The following PLPPR1 variants were observed in gnomAD, a reference collection of about 807,000 sequenced individuals.
PLPPR1 encodes the protein phospholipid phosphatase related 1.
In PLPPR1, 10 loss-of-function variants were observed where a neutral mutation model predicts 33.1. That is an observed-to-expected ratio of 0.30 (90% CI 0.19 to 0.51). The LOEUF (loss-of-function observed/expected upper bound fraction) is 0.51, where lower values mean the gene tolerates loss of function less well. Among genes scored for constraint, PLPPR1 ranks in the 20% least tolerant of loss-of-function variants. The probability of loss-of-function intolerance (pLI) is 0.97; values close to 1 mark genes in which losing one functional copy is unlikely to be tolerated. For synonymous variants in PLPPR1, 151 were observed against 151.0 expected (o/e 1.00, Z 0.00); for missense variants, 304 against 408.1 (o/e 0.74, Z 2.20).
intron 2 of PLPPR1, among the ~76,000 whole-genome samples, chr9:101,221,103 T>C (rs1826924584): frequency 6.6e-6 from 1 of 152,140 alleles, no homozygotes; most frequent in South Asian, 2.1e-4. Flanking sequence ...TTCTTTTTCT[T>C]TTTTCATAAG....
intron 1 of PLPPR1, among the ~76,000 whole-genome samples, chr9:101,034,282 A>G (rs1007100140): frequency 1.3e-5 from 2 of 152,130 alleles, no homozygotes; most frequent in African/African-American, 4.8e-5. Flanking sequence ...GCAAAGATAT[A>G]TTTGAGGACA....
At chr9:101,175,680 T>A (rs182198745) in intron 1 of PLPPR1, among the ~76,000 whole-genome samples, 35 of 152,302 alleles carry the variant, frequency 2.3e-4, no homozygotes, top group Non-Finnish European at 8.8e-5. Flanking sequence ...CTGGCATAAT[T>A]TAAGAATAAG....
At position 101,209,327 on chromosome 9, in the gene PLPPR1, C is replaced by T. The variant is rs559699335; in HGVS notation, c.63+23770C>T. Among the ~76,000 whole-genome samples, 6 of 152,302 alleles carry T rather than the reference C, an allele frequency of 3.9e-5. No individual in the cohort carries two copies. The South Asian group carries it at 1.2e-3, about 32-fold the overall frequency. Reference sequence around the variant, plus strand: ...AGGTCTGTGGATTCAAAGAGGTGGACTTTTTCCTCTGTGAATTTTTCCCGT... The same window carrying T: ...AGGTCTGTGGATTCAAAGAGGTGGATTTTTTCCTCTGTGAATTTTTCCCGT... On this transcript the variant is annotated intron_variant, in intron 2 of 7. Transcript: ENST00000374874.
chr9:101,306,714 G>T (rs1295509810), intron 4 of PLPPR1, among the ~76,000 whole-genome samples: 1 of 152,122 alleles, frequency 6.6e-6, no homozygotes, highest in Non-Finnish European at 1.5e-5. Context: ...TTACAGAAAT[G>T]AAAAATATCT....
intron 1 of PLPPR1, among the ~76,000 whole-genome samples, chr9:101,154,565 G>C (rs1407307685): frequency 6.6e-6 from 1 of 151,960 alleles, no homozygotes; most frequent in African/African-American, 2.4e-5. Flanking sequence ...ATCCCCTCAA[G>C]TATCTAGAAC....
At position 101,269,421 on chromosome 9, in the gene PLPPR1, G is replaced by A. The variant is rs34761815; in HGVS notation, c.64-459G>A. 8.6e-3 allele frequency among the ~76,000 whole-genome samples: 1,311 copies of A among 152,104 alleles called. 14 individuals are homozygous for A. Among genetic ancestry groups the A allele is most frequent in the Non-Finnish European group, 0.012 (798 of 68,018 alleles). The stretch of plus-strand genomic sequence containing the variant: ...CATTTGTCCATTCCTTCGTTTACTC[G>A]TGGTTTACCTACCTTTCATATTTCA... On this transcript the variant is annotated intron_variant, in intron 2 of 7. Transcript: ENST00000374874.
chr9:101,138,877 C>G (rs1295439034), intron 1 of PLPPR1, among the ~76,000 whole-genome samples: 1 of 152,038 alleles, frequency 6.6e-6, no homozygotes, highest in Non-Finnish European at 1.5e-5. Flanking sequence ...TGTTTTTTCC[C>G]CAGGGTTTGG....
chr9:101,273,952 G>C (rs1828142929), intron 3 of PLPPR1, among the ~76,000 whole-genome samples: 1 of 152,190 alleles, frequency 6.6e-6, no homozygotes, highest in Non-Finnish European at 1.5e-5. Context: ...AAAAGTGATA[G>C]GTCTTCTTTA....
chr9:101,143,725 A>G (rs868829512), intron 1 of PLPPR1, among the ~76,000 whole-genome samples: 7 of 152,292 alleles, frequency 4.6e-5, no homozygotes, highest in Middle Eastern at 6.8e-3. Flanking sequence ...CAAAACCACA[A>G]TGAGATACCA....
intron 1 of PLPPR1, among the ~76,000 whole-genome samples, chr9:101,137,144 G>T (rs996512492): frequency 1.3e-5 from 2 of 152,138 alleles, no homozygotes; most frequent in Admixed American, 1.3e-4. Context: ...AATTAAAAAT[G>T]AAAAAGATGT....
chr9:101,179,852 G>A (rs1311280486), intron 1 of PLPPR1, among the ~76,000 whole-genome samples: 2 of 151,790 alleles, frequency 1.3e-5, no homozygotes, highest in Non-Finnish European at 2.9e-5. Flanking sequence ...CCTTAATCTG[G>A]ATGGGCACCA....
At chr9:101,269,753 C>T (rs1489635931) in intron 2 of PLPPR1, 127 bp from the exon 3 acceptor site, 26 of 850,928 alleles carry the variant, frequency 3.1e-5, no homozygotes, top group East Asian at 4.9e-5. Flanking sequence ...GCGCCTGGCA[C>T]GCACACACTC....
At chr9:101,038,791 T>G (rs1007442653) in intron 1 of PLPPR1, among the ~76,000 whole-genome samples, 1 of 152,120 alleles carries the variant, frequency 6.6e-6, no homozygotes, top group African/African-American at 2.4e-5. Context: ...CTGCAGAGAT[T>G]GCGTGCCCAT....
At chr9:101,243,695 AT>A (rs1451313645) in intron 2 of PLPPR1, among the ~76,000 whole-genome samples, 1 of 151,930 alleles carries the variant, frequency 6.6e-6, no homozygotes, top group African/African-American at 2.4e-5. Context: ...TTAAGTGTGG[AT>A]TAAGAAATAA....
At chr9:101,060,440 G>T (rs1485446499) in intron 1 of PLPPR1, among the ~76,000 whole-genome samples, 2 of 151,862 alleles carry the variant, frequency 1.3e-5, no homozygotes, top group Admixed American at 1.3e-4. Flanking sequence ...TTTGAAAATT[G>T]ATTAGAAAGT....
At chr9:101,158,275 G>A (rs911104492) in intron 1 of PLPPR1, among the ~76,000 whole-genome samples, 1 of 152,248 alleles carries the variant, frequency 6.6e-6, no homozygotes, top group South Asian at 2.1e-4. Context: ...GGAGGGTAGA[G>A]TTAGGAAGAT....
chr9:101,212,323 T>C (rs1826705678), intron 2 of PLPPR1, among the ~76,000 whole-genome samples: 1 of 152,168 alleles, frequency 6.6e-6, no homozygotes, highest in Non-Finnish European at 1.5e-5. Context: ...CCTCCAGTGA[T>C]CTGCCTGCCT....
intron 1 of PLPPR1, among the ~76,000 whole-genome samples, chr9:101,042,267 C>G (rs184557131): frequency 6.4e-4 from 98 of 152,264 alleles, no homozygotes; most frequent in African/African-American, 2.3e-3. Flanking sequence ...AATCTTTTCC[C>G]TCTCTCACAA....
At chr9:101,039,716 A>C (rs1204006825) in intron 1 of PLPPR1, among the ~76,000 whole-genome samples, 1 of 152,062 alleles carries the variant, frequency 6.6e-6, no homozygotes, top group African/African-American at 2.4e-5. Flanking sequence ...GTGGCAGGAA[A>C]AGAGAGCTTA....
Sources: allele counts gnomAD v4.1 joint callset (sites outside exome capture counted in the v4.1 genomes callset), GRCh38; gene constraint gnomAD v4.1.1; transcripts MANE v1.5; gene names NCBI Gene and HGNC (gene_info 2026-07-23, HGNC 2026-07-21).